The following DNAAF1 variants were observed in gnomAD, a reference collection of about 807,000 sequenced individuals.
The protein encoded by DNAAF1 is dynein assembly factor 1, axonemal.
DNAAF1 carries 65 observed loss-of-function variants against 71.1 expected under a neutral mutation model. The observed-to-expected ratio is 0.91, with a 90% CI of 0.75 to 1.12. The LOEUF (loss-of-function observed/expected upper bound fraction) is 1.12, where lower values mean the gene tolerates loss of function less well. Among genes scored for constraint, DNAAF1 ranks in the 50% most tolerant of loss-of-function variants. The pLI is 0.00. For synonymous variants in DNAAF1, 414 were observed against 354.6 expected, an observed-to-expected ratio of 1.17 and a Z score of -1.88; for missense variants, 1,178 against 899.8, an observed-to-expected ratio of 1.31 and a Z score of -3.96.
intron 1 of DNAAF1, 22 bp from the exon 2 acceptor site, chr16:84,148,985 C>T: frequency 6.2e-7 from 1 of 1,613,750 alleles, no homozygotes. Context: ...TCTCTACAGA[C>T]CTGATCTCTT....
chr16:84,149,812 G>A (rs1054082253), intron 2 of DNAAF1, among the ~76,000 whole-genome samples: 4 of 151,864 alleles, frequency 2.6e-5, no homozygotes, highest in African/African-American at 7.3e-5. Flanking sequence ...ATCACCTGAC[G>A]TCAGGAGTTC....
intron 11 of DNAAF1, chr16:84,176,699 G>T: frequency 3.1e-6 from 1 of 324,624 alleles, no homozygotes; most frequent in East Asian, 7.4e-5. Flanking sequence ...CACTGCTGGG[G>T]AGTGTGGGGC....
rs761818154 is a variant in DNAAF1 at position 84,174,722 on chromosome 16, G to A, written c.1698G>A (p.Gln566=). 3.1e-6 allele frequency: 5 copies of A among 1,614,200 alleles called. No individual in the cohort carries two copies. The South Asian group carries it at 5.5e-5, about 18-fold the overall frequency. The change falls in exon 10 of 12, where the codon CAG becomes CAA. Residue 566 remains glutamine, a splice_region_variant and synonymous_variant. Coordinates refer to ENST00000378553, the MANE Select transcript of DNAAF1 (RefSeq NM_178452.6). ...AAACAGGCAAATCTCTGGAAGACCAGGTTAAGGTCATTAGAAACCATTTTC... is the reference window on the plus strand; with the variant it reads ...AAACAGGCAAATCTCTGGAAGACCAAGTTAAGGTCATTAGAAACCATTTTC... ...DDETGKSLED[Q]NMCFPKIEVI...
At chr16:84,167,959 G>T (rs1170580418) in intron 7 of DNAAF1, among the ~76,000 whole-genome samples, 1 of 151,902 alleles carries the variant, frequency 6.6e-6, no homozygotes, top group African/African-American at 2.4e-5. Flanking sequence ...AGAGGTTGCA[G>T]CGAGCCGAGA....
At chr16:84,176,379 A>C in intron 11 of DNAAF1, 80 bp downstream of exon 11, 7 of 1,598,912 alleles carry the variant, frequency 4.4e-6, no homozygotes, top group Admixed American at 1.7e-5. Context: ...GCAGTCACTC[A>C]GCCTTACCCT....
chr16:84,148,553 A>G (rs2087022108), intron 1 of DNAAF1, among the ~76,000 whole-genome samples: 1 of 141,588 alleles, frequency 7.1e-6, no homozygotes, highest in South Asian at 2.2e-4. Context: ...CCAATGCTTT[A>G]AAAATTGTTA....
Position 84,149,047 on chromosome 16 carries a change from C to A in DNAAF1, c.165C>A (p.Asp55Glu). Residue 55 changes from aspartate to glutamate, a missense_variant, in exon 2 of 12, where the codon GAC (aspartate) becomes GAA (glutamate). Physicochemically the swap from Asp to Glu is conservative, Grantham distance 45. Coordinates refer to ENST00000378553, the MANE Select transcript of DNAAF1 (RefSeq NM_178452.6). ...AGGAAATATGTGTGGGTTCTTCTGA[C>A]ACATCCTACCACAGCCAGCAGAAAC... Reference protein sequence around the residue: ...DPKEICVGSSDTSYHSQQKQS... With the variant: ...DPKEICVGSSETSYHSQQKQS... The A allele has an allele frequency of 5.0e-6, 8 of 1,614,096 alleles. No homozygotes were observed. The highest frequency in any genetic ancestry group is 6.8e-6 in the Non-Finnish European group (8 of 1,180,016).
rs2088264269 is a variant in DNAAF1 at position 84,170,340 on chromosome 16, G to A, written c.1512G>A (p.Leu504=). The A allele has an allele frequency of 1.9e-6, 3 of 1,613,884 alleles. No individual in the cohort carries two copies. Among genetic ancestry groups the A allele is most frequent in the East Asian group, 2.2e-5 (1 of 44,882 alleles). ...CTGAGGCCCCACCACCACCGCCCCT[G>A]GGAGCTGCCAGGGAAGGTAATGTGA... is the stretch of plus-strand genomic sequence containing the variant. ...LPAEAPPPPP[L]GAAREEPTPQ... Residue 504 remains leucine (L), a synonymous_variant, in exon 8 of 12, where the codon CTG becomes CTA. Transcript: ENST00000378553.
intron 7 of DNAAF1, among the ~76,000 whole-genome samples, chr16:84,168,004 C>T (rs142122293): frequency 2.0e-5 from 3 of 150,560 alleles, no homozygotes; most frequent in East Asian, 1.9e-4. Context: ...GCGACAAGAG[C>T]GAAACTCCAT....
chr16:84,176,972 G>C (rs1220055080), intron 11 of DNAAF1: 1 of 166,932 alleles, frequency 6.0e-6, no homozygotes, highest in African/African-American at 2.4e-5. Flanking sequence ...CTGAGAACAA[G>C]CAAGCTGGGA....
intron 3 of DNAAF1, among the ~76,000 whole-genome samples, chr16:84,151,183 T>G (rs759063227): frequency 1.3e-5 from 2 of 152,114 alleles, no homozygotes; most frequent in African/African-American, 4.8e-5. Flanking sequence ...GTCCTCTCAT[T>G]GTTCATTTGT....
intron 9 of DNAAF1, 123 bp from the exon 10 acceptor site, chr16:84,174,546 C>T (rs1393615785): frequency 1.9e-6 from 3 of 1,584,372 alleles, no homozygotes; most frequent in African/African-American, 1.3e-5. Context: ...GGCGAGTCAC[C>T]TGAGTGATTT....
chr16:84,149,129 G>T lies in DNAAF1; in HGVS notation c.247G>T (p.Asp83Tyr). The change falls in exon 2 of 12, where the codon GAT (aspartate) becomes TAT (tyrosine). Residue 83 changes from aspartate (D) to tyrosine (Y), a missense_variant. Asp to Tyr is a radical substitution (Grantham distance 160, BLOSUM62 -3). Transcript: ENST00000378553. ...HFAHPREDRE[D>Y]RGPRMTKSSL... ...CGCACACCCAAGAGAAGACAGGGAA[G>T]ATCGGGGCCCCAGGTATGTGGGCAT... 1.2e-6 allele frequency: 2 copies of T among 1,614,132 alleles called. No homozygotes were observed. Among genetic ancestry groups the T allele is most frequent in the East Asian group, 4.5e-5 (2 of 44,856 alleles).
chr16:84,146,716 G>A (rs1383730485), intron 1 of DNAAF1, among the ~76,000 whole-genome samples: 3 of 151,752 alleles, frequency 2.0e-5, no homozygotes, highest in South Asian at 2.1e-4. Flanking sequence ...CTGCACCCCA[G>A]CCTGGGCAAT....
chr16:84,147,438 C>G (rs8063919), intron 1 of DNAAF1, among the ~76,000 whole-genome samples: 1 of 151,986 alleles, frequency 6.6e-6, no homozygotes, highest in Non-Finnish European at 1.5e-5. Context: ...AAAAATTATT[C>G]ATTTGAATGT....
At chr16:84,156,851 C>CTTTTTTTTTTTTTTTTTTTT (rs778916785) in intron 5 of DNAAF1, among the ~76,000 whole-genome samples, 2 of 111,808 alleles carry the variant, frequency 1.8e-5, no homozygotes, top group Admixed American at 9.3e-5. Context: ...TTCTTTCTTT[C>CTTTTTTTTTTTTTTTTTTTT]TTTTTTTTTT....
In DNAAF1 at chr16:84,176,342, T is replaced by G. The variant is rs781703863; in HGVS notation, c.2065+43T>G. On this transcript the variant is annotated intron_variant, in intron 11 of 11. Transcript: ENST00000378553. Reference sequence around the variant, plus strand: ...AGAGCACAGTGGAGACAATGTTGGCTCCCCGGCCTGGGATGGGTGGGGCAG... The same window carrying G: ...AGAGCACAGTGGAGACAATGTTGGCGCCCCGGCCTGGGATGGGTGGGGCAG... 1.9e-6 allele frequency: 3 copies of G among 1,611,698 alleles called. No individual in the cohort carries two copies. The South Asian group carries it at 3.3e-5, about 18-fold the overall frequency.
chr16:84,147,135 G>C (rs186285085), intron 1 of DNAAF1, among the ~76,000 whole-genome samples: 2 of 152,308 alleles, frequency 1.3e-5, no homozygotes, highest in East Asian at 1.9e-4. Flanking sequence ...TATAAGGAGA[G>C]AATTATAATT....
chr16:84,159,843 G>C (rs750810906), intron 6 of DNAAF1, 47 bp downstream of exon 6: 6 of 1,605,652 alleles, frequency 3.7e-6, no homozygotes, highest in Non-Finnish European at 5.1e-6. Context: ...TTTAGTAGTT[G>C]ACCATGCTTA....
Sources: gnomAD v4.1 joint callset for allele counts (sites outside exome capture counted in the v4.1 genomes callset) on GRCh38, gnomAD v4.1.1 for gene constraint, MANE v1.5 for transcripts, NCBI Gene and HGNC (gene_info 2026-07-23, HGNC 2026-07-21) for gene names.